Variants in ATXN10 observed in about 807,000 individuals in gnomAD.
ATXN10 encodes ataxin-10.
ATXN10 carries 28 observed loss-of-function variants against 52.9 expected under a neutral mutation model. That is an observed-to-expected ratio of 0.53 (90% CI 0.39 to 0.73). ATXN10 has a LOEUF of 0.73. Ranked by LOEUF, ATXN10 falls within the 30% of genes least tolerant of loss-of-function variation. ATXN10 has a pLI of 0.00. For missense variants in ATXN10, 565 were observed against 577.0 expected, an observed-to-expected ratio of 0.98 and a Z score of 0.21; for synonymous variants, 226 against 221.5, an observed-to-expected ratio of 1.02 and a Z score of -0.18.
chr22:45,699,467 C>CTTTTT (rs11378331), intron 3 of ATXN10, among the ~76,000 whole-genome samples: 1 of 119,884 alleles, frequency 8.3e-6, no homozygotes, highest in Non-Finnish European at 1.7e-5. Flanking sequence ...CAGTAGAAAT[C>CTTTTT]TTTTTTTTTT....
In ATXN10 at chr22:45,819,020, A is replaced by G. The variant is rs1390824060; in HGVS notation, c.1237+11998A>G. Among the ~76,000 whole-genome samples the G allele has an allele frequency of 6.6e-6, 1 of 152,086 alleles. No homozygotes were observed. The highest frequency in any genetic ancestry group is 1.5e-5 in the Non-Finnish European group (1 of 68,030). On this transcript the variant is annotated intron_variant, in intron 10 of 11. Coordinates refer to ENST00000252934, the MANE Select transcript of ATXN10 (RefSeq NM_013236.4). The surrounding 1 kb of genome is among the most constrained non-coding windows in gnomAD (Gnocchi z 4.5). ...ATCCATGCCTAAATAATTTCACCTT[A>G]ATCGTCACTATTCTAGACCAGTTGT...
chr22:45,792,990 C>T, intron 9 of ATXN10: 1 of 311,506 alleles, frequency 3.2e-6, no homozygotes, highest in Admixed American at 3.4e-5. Context: ...TTTTTTAGTT[C>T]CACCCAAATG....
At chr22:45,729,122 G>C (rs1245968520) in intron 6 of ATXN10, among the ~76,000 whole-genome samples, 1 of 152,130 alleles carries the variant, frequency 6.6e-6, no homozygotes, top group Non-Finnish European at 1.5e-5. Context: ...TCGTCGATGT[G>C]TTCATACAAA....
At chr22:45,752,371 T>C (rs907108549) in intron 9 of ATXN10, among the ~76,000 whole-genome samples, 1 of 152,190 alleles carries the variant, frequency 6.6e-6, no homozygotes, top group Non-Finnish European at 1.5e-5. Context: ...GAAAAGTACC[T>C]AAGTGCTTGG....
chr22:45,723,354 C>T (rs1204670878), intron 6 of ATXN10, among the ~76,000 whole-genome samples: 1 of 150,408 alleles, frequency 6.6e-6, no homozygotes, highest in African/African-American at 2.5e-5. Context: ...TTTTTGGTCA[C>T]ATGGATGGGT....
chr22:45,793,629 C>A, intron 9 of ATXN10: 1 of 1,360,262 alleles, frequency 7.4e-7, no homozygotes, highest in South Asian at 2.4e-5. Flanking sequence ...AAGTCACAGT[C>A]TGTTCCACCA....
Position 45,705,008 on chromosome 22 carries a change from G to A in ATXN10, c.647+2161G>A, listed in dbSNP as rs192877624. ...AAGTCTATTTTATCAAATATATTTT[G>A]TGTCTGTTGAGATAGTCATATGGCT... On this transcript the variant is annotated intron_variant, in intron 5 of 11. Coordinates refer to ENST00000252934, the MANE Select transcript of ATXN10 (RefSeq NM_013236.4). The surrounding 1 kb of genome is among the most constrained non-coding windows in gnomAD (Gnocchi z 5.2). Among the ~76,000 whole-genome samples, 233 of 152,228 alleles carry A rather than the reference G, an allele frequency of 1.5e-3. No homozygotes were observed. Among genetic ancestry groups the A allele is most frequent in the Non-Finnish European group, 2.7e-3 (184 of 68,008 alleles).
At position 45,837,548 on chromosome 22, in the gene ATXN10, C is replaced by A. The variant is rs572842773; in HGVS notation, c.1238-5443C>A. Among the ~76,000 whole-genome samples the A allele has an allele frequency of 2.0e-5, 3 of 152,388 alleles. No homozygotes were observed. The highest frequency in any genetic ancestry group is 7.2e-5 in the African/African-American group (3 of 41,586). On this transcript the variant is annotated intron_variant, in intron 10 of 11. Coordinates refer to ENST00000252934, the MANE Select transcript of ATXN10 (RefSeq NM_013236.4). The surrounding 1 kb of genome is among the most constrained non-coding windows in gnomAD (Gnocchi z 5.8). ...AAGTGTTGGGATTACAGGCGTGAGC[C>A]ACTATGCCCGGCCTATTTATTTATT... is the stretch of plus-strand genomic sequence containing the variant.
At position 45,759,823 on chromosome 22, in the gene ATXN10, AT is replaced by A. The variant is rs1926316950; in HGVS notation, c.1173+19288del. On this transcript the variant is annotated intron_variant, in intron 9 of 11. Coordinates refer to ENST00000252934, the MANE Select transcript of ATXN10 (RefSeq NM_013236.4). The surrounding 1 kb of genome is among the most constrained non-coding windows in gnomAD (Gnocchi z 5.4). ...CATCGCTTGCTTCTCTCTCTTTCTA[AT>A]TTACATACAGCTAAACACAGATTTT... Among the ~76,000 whole-genome samples the A allele has an allele frequency of 6.6e-6, 1 of 152,100 alleles. No individual in the cohort carries two copies. Among genetic ancestry groups the A allele is most frequent in the African/African-American group, 2.4e-5 (1 of 41,404 alleles).
chr22:45,802,567 C>A (rs1408364101), intron 9 of ATXN10, among the ~76,000 whole-genome samples: 2 of 152,156 alleles, frequency 1.3e-5, no homozygotes. Flanking sequence ...CAGAATAGGT[C>A]ATTTATGTTG....
Position 45,718,598 on chromosome 22 carries a change from T to C in ATXN10, c.728+105T>C. Reference sequence around the variant, plus strand: ...GGTTTCTGAGTTGGCACAGAATCTCTAAATACATGTTTCTGTGTTGGTAAT... The same window carrying C: ...GGTTTCTGAGTTGGCACAGAATCTCCAAATACATGTTTCTGTGTTGGTAAT... On this transcript the variant is annotated intron_variant, in intron 6 of 11. Transcript: ENST00000252934. This position sits in a 1 kb window ranked among gnomAD's most constrained non-coding sequence, Gnocchi z 4.4. 1 of 1,001,008 alleles carries C rather than the reference T, an allele frequency of 1.0e-6. No homozygotes were observed. Among genetic ancestry groups the C allele is most frequent in the East Asian group, 2.4e-5 (1 of 41,652 alleles). 62.0% of individuals were successfully genotyped at this position (1,001,008 alleles called of 1,614,324 possible).
At chr22:45,806,613 T>C (rs574346727) in intron 9 of ATXN10, among the ~76,000 whole-genome samples, 12 of 152,278 alleles carry the variant, frequency 7.9e-5, no homozygotes, top group African/African-American at 2.9e-4. Flanking sequence ...TTCACCCATG[T>C]TTTTTTCTAG....
rs1338923048 is a variant in ATXN10 at position 45,784,130 on chromosome 22, C to A, written c.1174-22829C>A. On this transcript the variant is annotated intron_variant, in intron 9 of 11. Coordinates refer to ENST00000252934, the MANE Select transcript of ATXN10 (RefSeq NM_013236.4). This position sits in a 1 kb window ranked among gnomAD's most constrained non-coding sequence, Gnocchi z 4.2. Reference sequence around the variant, plus strand: ...TTTAATATTATTTCAGCCATTCTCTCTTTTCTGAAAACCAGAAATAGTTAC... The same window carrying A: ...TTTAATATTATTTCAGCCATTCTCTATTTTCTGAAAACCAGAAATAGTTAC... Among the ~76,000 whole-genome samples the A allele has an allele frequency of 1.3e-5, 2 of 152,122 alleles. No homozygotes were observed. The highest frequency in any genetic ancestry group is 4.8e-5 in the African/African-American group (2 of 41,418).
chr22:45,779,773 A>G (rs1216009690), intron 9 of ATXN10, among the ~76,000 whole-genome samples: 1 of 152,238 alleles, frequency 6.6e-6, no homozygotes, highest in Non-Finnish European at 1.5e-5. Context: ...GTGGTTTGTG[A>G]TCTAGCAGAG....
rs920617169 is a variant in ATXN10, at chr22:45,835,081, A to G, written c.1238-7910A>G. Among the ~76,000 whole-genome samples the G allele has an allele frequency of 1.3e-5, 2 of 152,162 alleles. No individual in the cohort carries two copies. The highest frequency in any genetic ancestry group is 2.9e-5 in the Non-Finnish European group (2 of 68,018). ...GCATGTCATGTACAAAATTAGTTTC[A>G]TTGCCACAGGATCCTTCACCGCCAA... On this transcript the variant is annotated intron_variant, in intron 10 of 11. Coordinates refer to ENST00000252934, the MANE Select transcript of ATXN10 (RefSeq NM_013236.4). The surrounding 1 kb of genome is among the most constrained non-coding windows in gnomAD (Gnocchi z 5.0).
chr22:45,786,874 A>T lies in ATXN10; in HGVS notation c.1174-20085A>T, dbSNP rs1346793940. Among the ~76,000 whole-genome samples the T allele has an allele frequency of 6.6e-6, 1 of 152,220 alleles. No homozygotes were observed. The highest frequency in any genetic ancestry group is 1.5e-5 in the Non-Finnish European group (1 of 68,038). ...TAACAGTATGTCTCAAAGACACTCA[A>T]AGATGGTTTTGTTTTGTTTTTGTCC... On this transcript the variant is annotated intron_variant, in intron 9 of 11. Coordinates refer to ENST00000252934, the MANE Select transcript of ATXN10 (RefSeq NM_013236.4). This position sits in a 1 kb window ranked among gnomAD's most constrained non-coding sequence, Gnocchi z 4.1.
At chr22:45,742,019 C>T (rs1925555536) in intron 9 of ATXN10, among the ~76,000 whole-genome samples, 2 of 152,158 alleles carry the variant, frequency 1.3e-5, no homozygotes, top group Admixed American at 6.5e-5. Context: ...ACCCCAAACT[C>T]TGGGTGTCAG....
intron 9 of ATXN10, among the ~76,000 whole-genome samples, chr22:45,782,920 G>A (rs1234968990): frequency 4.6e-5 from 7 of 152,078 alleles, no homozygotes; most frequent in Non-Finnish European, 8.8e-5. Context: ...TATAAATTAG[G>A]CACAGTAAGA....
rs1214167201 is a variant in ATXN10, at chr22:45,684,512, A to G, written c.117-5200A>G. Reference sequence around the variant, plus strand: ...GGGAGATGATAAAGTTTCATGACACATGAAAATTATATGAATTTAAATTTT... The same window carrying G: ...GGGAGATGATAAAGTTTCATGACACGTGAAAATTATATGAATTTAAATTTT... On this transcript the variant is annotated intron_variant, in intron 1 of 11. Coordinates refer to ENST00000252934, the MANE Select transcript of ATXN10 (RefSeq NM_013236.4). This position sits in a 1 kb window ranked among gnomAD's most constrained non-coding sequence, Gnocchi z 4.1. Among the ~76,000 whole-genome samples the G allele has an allele frequency of 1.3e-5, 2 of 152,192 alleles. No homozygotes were observed. Among genetic ancestry groups the G allele is most frequent in the Non-Finnish European group, 2.9e-5 (2 of 68,046 alleles).
Sources: allele counts gnomAD v4.1 joint callset (sites outside exome capture counted in the v4.1 genomes callset), GRCh38; gene constraint gnomAD v4.1.1; non-coding constraint Gnocchi (gnomAD v3.1); transcripts MANE v1.5; gene names NCBI Gene and HGNC (gene_info 2026-07-23, HGNC 2026-07-21).